Variants in GTF2H1 observed in about 807,000 individuals in gnomAD.
GTF2H1 encodes the protein general transcription factor IIH subunit 1, also known as BTF2 p62.
A neutral mutation model predicts 71.2 loss-of-function variants in GTF2H1; 16 were observed. That is an observed-to-expected ratio of 0.22 (90% CI 0.15 to 0.34). The LOEUF (loss-of-function observed/expected upper bound fraction) is 0.34. Among genes scored for constraint, GTF2H1 ranks in the 10% least tolerant of loss-of-function variants. The probability of loss-of-function intolerance (pLI) is 1.00; values close to 1 mark genes in which losing one functional copy is unlikely to be tolerated. For synonymous variants in GTF2H1, 215 were observed against 219.0 expected (o/e 0.98, Z 0.16); for missense variants, 498 against 648.2 (o/e 0.77, Z 2.52).
intron 1 of GTF2H1, chr11:18,326,025 A>G (rs1223984186): frequency 3.9e-5 from 6 of 152,330 alleles, no homozygotes; most frequent in African/African-American, 7.2e-5. Flanking sequence ...GCATTGTAAG[A>G]TAGCTACAGT....
chr11:18,360,911 T>A (rs1865681042), intron 14 of GTF2H1: 1 of 436,266 alleles, frequency 2.3e-6, no homozygotes, highest in African/African-American at 2.1e-5. Context: ...GTTCAAGCGA[T>A]TCTCCTGCCT....
chr11:18,342,908 T>TTTTTG (rs1354002042), intron 7 of GTF2H1, among the ~76,000 whole-genome samples: 2 of 151,882 alleles, frequency 1.3e-5, no homozygotes, highest in African/African-American at 4.8e-5. Context: ...CCCTGTTTGG[T>TTTTTG]TTTTGTTTTG....
At chr11:18,348,042 T>C (rs1413597074) in intron 9 of GTF2H1, 123 bp downstream of exon 9, 1 of 753,984 alleles carries the variant, frequency 1.3e-6, no homozygotes, top group South Asian at 1.5e-5. Flanking sequence ...GTTAAGCATT[T>C]GGCTTAAAGT....
rs373861990 is a variant in GTF2H1, at chr11:18,339,581, A to C, written c.531A>C (p.Gln177His). The change falls in exon 5 of 15, where the codon CAA becomes CAC. Residue 177 changes from glutamine to histidine, a missense_variant. This residue lies in a region of GTF2H1 where 216 missense variants were observed against 306.2 expected (regional missense o/e 0.71). Transcript: ENST00000265963. ...TGTTTTAGGCTGATGTCCGGCCCCA[A>C]ACTGATGGCTGTAACGGTCTAAGAT... ...SAAFLADVRP[Q>H]TDGCNGLRYN... 1.2e-6 allele frequency: 2 copies of C among 1,613,338 alleles called. No homozygotes were observed. Among genetic ancestry groups the C allele is most frequent in the East Asian group, 2.2e-5 (1 of 44,876 alleles).
chr11:18,336,071 TTTTTGTTTTTG>T, intron 3 of GTF2H1, 125 bp downstream of exon 3: 2 of 626,794 alleles, frequency 3.2e-6, no homozygotes, highest in Non-Finnish European at 5.4e-6. Flanking sequence ...GTTGTTGTCG[TTTTTGTTTTTG>T]TTTTGTTTGT....
In GTF2H1 at chr11:18,366,880, GA is replaced by G. The variant is rs563758520; in HGVS notation, c.*1015del. On this transcript the variant is annotated 3_prime_UTR_variant, in exon 15 of 15. Coordinates refer to ENST00000265963, the MANE Select transcript of GTF2H1 (RefSeq NM_005316.4). The stretch of plus-strand genomic sequence containing the variant: ...AATCGATAATCATTGCATAGTGACT[GA>G]AAAGCCTAAGTGCAAAAAAAAAAAA... 7.4e-6 allele frequency: 1 copy of G among 135,218 alleles called. No homozygotes were observed. The highest frequency in any genetic ancestry group is 1.6e-5 in the Non-Finnish European group (1 of 63,396). 8.4% of individuals were successfully genotyped at this position (135,218 alleles called of 1,614,324 possible).
In GTF2H1 at chr11:18,358,605, T is replaced by C; in HGVS notation, c.1432T>C (p.Cys478Arg). ...AGAACTTCTACGACATTTCTGGTCC[T>C]GCTTTCCTGTTAATACGCCATTCCT... is the stretch of plus-strand genomic sequence containing the variant. Reference protein sequence around the residue: ...VGELLRHFWSCFPVNTPFLEE... With the variant: ...VGELLRHFWSRFPVNTPFLEE... Residue 478 changes from cysteine to arginine, a missense_variant, in exon 13 of 15, where the codon TGC (cysteine) becomes CGC (arginine). By Grantham distance (180) the Cys-to-Arg change is radical (BLOSUM62 -3). Transcript: ENST00000265963. The C allele has an allele frequency of 6.2e-7, 1 of 1,611,148 alleles. No homozygotes were observed. Among genetic ancestry groups the C allele is most frequent in the African/African-American group, 1.3e-5 (1 of 75,020 alleles).
rs568062365 is a variant in GTF2H1, at chr11:18,366,816, C to T, written c.*947C>T. On this transcript the variant is annotated 3_prime_UTR_variant, in exon 15 of 15. Coordinates refer to ENST00000265963, the MANE Select transcript of GTF2H1 (RefSeq NM_005316.4). ...AAGAAATAAAAGATGTTTCTCCTAT[C>T]TCCTTTTCTCTAGTATTTGACTGTT... The T allele has an allele frequency of 6.6e-6, 1 of 151,164 alleles. No individual in the cohort carries two copies. Among genetic ancestry groups the T allele is most frequent in the African/African-American group, 2.4e-5 (1 of 41,194 alleles). The allele number at this position is 151,164 out of a possible 1,614,324, so 9.4% of individuals were successfully genotyped here.
chr11:18,323,947 G>C lies in GTF2H1; in HGVS notation c.-16+1207G>C, dbSNP rs1864673882. On this transcript the variant is annotated intron_variant, in intron 1 of 14. Transcript: ENST00000265963. ...CCTCTAGTAGCAGGCCTTGGACTTA[G>C]AGAAGGACTAAACTCTGGAGAGAAC... 2.0e-5 allele frequency among the ~76,000 whole-genome samples: 3 copies of C among 152,204 alleles called. No individual in the cohort carries two copies. The South Asian group carries it at 6.2e-4, about 31-fold the overall frequency.
Position 18,361,202 on chromosome 11 carries a change from AAAT to A in GTF2H1, c.1560+498_1560+500del, listed in dbSNP as rs140003878. On this transcript the variant is annotated intron_variant, in intron 14 of 14. Coordinates refer to ENST00000265963, the MANE Select transcript of GTF2H1 (RefSeq NM_005316.4). ...ATACATACATATTTTTTAAATAATA[AAAT>A]AACTGTCTGTTTACTCACCAATCAG... Among the ~76,000 whole-genome samples, 834 of 152,312 alleles carry A rather than the reference AAAT, an allele frequency of 5.5e-3. 8 individuals are homozygous for A. The highest frequency in any genetic ancestry group is 0.019 in the African/African-American group (799 of 41,570).
intron 7 of GTF2H1, among the ~76,000 whole-genome samples, chr11:18,344,309 T>C (rs1241350009): frequency 3.3e-5 from 5 of 152,008 alleles, no homozygotes; most frequent in Non-Finnish European, 7.4e-5. Context: ...TATAGTTTAT[T>C]CTCCCCTAGC....
chr11:18,365,966 A>G lies in GTF2H1; in HGVS notation c.*97A>G. ...CTGACAGACAAGCAGATGACCTCAC[A>G]GGAGTGATAAGAAACATCTGCTCCA... On this transcript the variant is annotated 3_prime_UTR_variant, in exon 15 of 15. Transcript: ENST00000265963. 1.3e-6 allele frequency: 1 copy of G among 763,268 alleles called. No individual in the cohort carries two copies. Among genetic ancestry groups the G allele is most frequent in the South Asian group, 1.5e-5 (1 of 66,076 alleles). The allele number at this position is 763,268 out of a possible 1,614,324, so 47.3% of individuals were successfully genotyped here.
intron 1 of GTF2H1, among the ~76,000 whole-genome samples, chr11:18,327,668 G>A (rs564622245): frequency 4.5e-4 from 69 of 152,228 alleles, no homozygotes; most frequent in Middle Eastern, 3.4e-3. Context: ...GTATCATCAC[G>A]GCTCCATCTC....
At chr11:18,327,748 C>G (rs924205630) in intron 1 of GTF2H1, among the ~76,000 whole-genome samples, 1 of 152,166 alleles carries the variant, frequency 6.6e-6, no homozygotes, top group Non-Finnish European at 1.5e-5. Context: ...ACCACCAGGC[C>G]CAGCTAATTT....
chr11:18,358,664 C>T, intron 13 of GTF2H1, 24 bp downstream of exon 13: 1 of 1,372,850 alleles, frequency 7.3e-7, no homozygotes. Context: ...CTGAAGACAG[C>T]CAGATAATTG....
intron 11 of GTF2H1, among the ~76,000 whole-genome samples, chr11:18,352,721 A>G (rs967033640): frequency 2.8e-4 from 43 of 152,226 alleles, no homozygotes; most frequent in African/African-American, 9.9e-4. Flanking sequence ...CAGGTTTCCA[A>G]ATTCTGTCTG....
intron 13 of GTF2H1, among the ~76,000 whole-genome samples, chr11:18,360,373 G>A (rs550027601): frequency 3.8e-4 from 58 of 151,976 alleles, no homozygotes; most frequent in South Asian, 4.2e-4. Flanking sequence ...CGCCCACCTC[G>A]GCCTCCCAAA....
intron 7 of GTF2H1, chr11:18,341,974 G>T: frequency 5.7e-6 from 1 of 174,182 alleles, no homozygotes; most frequent in Non-Finnish European, 1.2e-5. Context: ...TTTGTTGATT[G>T]CTTACTATCT....
intron 11 of GTF2H1, among the ~76,000 whole-genome samples, chr11:18,355,010 A>G (rs1865509670): frequency 6.6e-6 from 1 of 151,508 alleles, no homozygotes; most frequent in African/African-American, 2.4e-5. Context: ...GGGTTTTGCC[A>G]TGTTGCCCAG....
Sources: gnomAD v4.1 joint callset for allele counts (sites outside exome capture counted in the v4.1 genomes callset) on GRCh38, gnomAD v4.1.1 for gene constraint, gnomAD v4.1.1 regional missense constraint, MANE v1.5 for transcripts, NCBI Gene and HGNC (gene_info 2026-07-23, HGNC 2026-07-21) for gene names.